Variants in ZNF675 observed in about 807,000 individuals in gnomAD.
ZNF675 encodes the protein zinc finger protein 675.
A neutral mutation model predicts 56.1 loss-of-function variants in ZNF675; 36 were observed. The observed-to-expected ratio is 0.64, with a 90% confidence interval of 0.49 to 0.85. The LOEUF (loss-of-function observed/expected upper bound fraction) is 0.85, where lower values mean the gene tolerates loss of function less well. ZNF675 is among the 40% of genes least tolerant of loss of function. The pLI is 0.00. For missense variants in ZNF675, 663 were observed against 654.2 expected (o/e 1.01, Z -0.15); for synonymous variants, 200 against 218.9 (o/e 0.91, Z 0.76).
At position 23,654,165 on chromosome 19, in the gene ZNF675, G is replaced by A. The variant is rs775541765; in HGVS notation, c.768C>T (p.Tyr256=). ...AGGCTTTGCCACATTCTTCACATTT[G>A]TATGGTTTCTCTCGAGCATAATCTT... is the stretch of plus-strand genomic sequence containing the variant. ...YKKDYAREKP[Y]KCEECGKAFN... Residue 256 remains tyrosine, a synonymous_variant, in exon 4 of 4, where the codon TAC becomes TAT. Transcript: ENST00000359788. 9 of 1,614,032 alleles carry A rather than the reference G, an allele frequency of 5.6e-6. No homozygotes were observed. Among genetic ancestry groups the A allele is most frequent in the Admixed American group, 1.7e-5 (1 of 60,010 alleles).
chr19:23,686,043 T>C (rs1968438387), intron 1 of ZNF675: 1 of 152,164 alleles, frequency 6.6e-6, no homozygotes, highest in Non-Finnish European at 1.5e-5. Flanking sequence ...GAAACAAAAA[T>C]TTAGGCTTAA....
In ZNF675 at chr19:23,680,626, C is replaced by T. The variant is rs1369096268; in HGVS notation, c.3+6405G>A. Among the ~76,000 whole-genome samples the T allele has an allele frequency of 2.6e-5, 4 of 151,140 alleles. 1 individual carries two copies. Among genetic ancestry groups the T allele is most frequent in the Non-Finnish European group, 4.4e-5 (3 of 67,938 alleles). ...ACAAAAATTAGCCAGGTGTGGTGGG[C>T]GCCTGTAACCCTAGCTACTTGGGAG... is the stretch of plus-strand genomic sequence containing the variant. On this transcript the variant is annotated intron_variant, in intron 1 of 3. Coordinates refer to ENST00000359788, the MANE Select transcript of ZNF675 (RefSeq NM_138330.3).
chr19:23,654,929 CATA>C (rs991867740), intron 3 of ZNF675: 3 of 389,600 alleles, frequency 7.7e-6, no homozygotes, highest in African/African-American at 6.2e-5. Flanking sequence ...CCCAATATAA[CATA>C]ATGTTTTCAG....
intron 1 of ZNF675, among the ~76,000 whole-genome samples, chr19:23,682,441 A>C (rs1228277794): frequency 6.6e-6 from 1 of 151,810 alleles, no homozygotes; most frequent in Non-Finnish European, 1.5e-5. Flanking sequence ...AATTTTACAA[A>C]ATTTAGAAAC....
chr19:23,659,723 G>A (rs1968050641), intron 3 of ZNF675, among the ~76,000 whole-genome samples: 1 of 152,154 alleles, frequency 6.6e-6, no homozygotes, highest in Admixed American at 6.5e-5. Flanking sequence ...GTCCCACTAA[G>A]AATTCTGAAC....
chr19:23,653,470 G>C lies in ZNF675; in HGVS notation c.1463C>G (p.Ala488Gly). 6.2e-7 allele frequency: 1 copy of C among 1,613,246 alleles called. No individual in the cohort carries two copies. The highest frequency in any genetic ancestry group is 1.1e-5 in the South Asian group (1 of 91,072). ...AGTAAGGGATGAGGAGTGTTTAAAAGCTTTGCCACATTCTTCACACTTGTA... is the reference window on the plus strand; with the variant it reads ...AGTAAGGGATGAGGAGTGTTTAAAACCTTTGCCACATTCTTCACACTTGTA... ...IPYKCEECGK[A>G]FKHSSSLTTH... Residue 488 changes from alanine to glycine, a missense_variant, in exon 4 of 4, where the codon GCT (alanine) becomes GGT (glycine). Transcript: ENST00000359788.
intron 3 of ZNF675, among the ~76,000 whole-genome samples, chr19:23,658,863 A>C (rs371241477): frequency 1.7e-3 from 6 of 3,566 alleles, no homozygotes; most frequent in East Asian, 7.1e-3. Context: ...AGATATAGAA[A>C]TAGATCTATA....
intron 3 of ZNF675, among the ~76,000 whole-genome samples, chr19:23,660,076 T>C (rs1238607988): frequency 1.3e-5 from 2 of 152,072 alleles, no homozygotes; most frequent in African/African-American, 2.4e-5. Flanking sequence ...CAGAGCAAAA[T>C]CCTCTGCCAA....
rs990658217 is a variant in ZNF675 at position 23,676,181 on chromosome 19, T to C, written c.3+10850A>G. Among the ~76,000 whole-genome samples, 8 of 151,442 alleles carry C rather than the reference T, an allele frequency of 5.3e-5. No homozygotes were observed. The South Asian group carries it at 1.7e-3, about 31-fold the overall frequency. ...GAAATTGAACCCCTGAATAAACCAA[T>C]AAAAAGCTCCAAAATCAAATTAATA... On this transcript the variant is annotated intron_variant, in intron 1 of 3. Transcript: ENST00000359788.
chr19:23,676,382 G>T (rs1968294740), intron 1 of ZNF675, among the ~76,000 whole-genome samples: 1 of 70,418 alleles, frequency 1.4e-5, no homozygotes, highest in African/African-American at 5.2e-5. Flanking sequence ...CCAAAACCTG[G>T]CAAAGACAAA....
At chr19:23,656,003 G>T (rs1967978199) in intron 3 of ZNF675, 1 of 150,620 alleles carries the variant, frequency 6.6e-6, no homozygotes, top group South Asian at 2.1e-4. Context: ...GGGAGACTGA[G>T]GTAAAAGGAT....
Position 23,687,175 on chromosome 19 carries a change from G to A in ZNF675, c.-142C>T, listed in dbSNP as rs557889286. On this transcript the variant is annotated 5_prime_UTR_variant, in exon 1 of 4. Transcript: ENST00000359788. ...ACCTGGAGCTCCGGCTGCAGCGAGA[G>A]ACAAAGGCGCCGCCAAATCCCGGAA... 9.7e-7 allele frequency: 1 copy of A among 1,033,128 alleles called. No homozygotes were observed. Among genetic ancestry groups the A allele is most frequent in the African/African-American group, 1.6e-5 (1 of 62,102 alleles). 64.0% of individuals were successfully genotyped at this position (1,033,128 alleles called of 1,614,324 possible). A position where few individuals can be genotyped will look rare whatever the true frequency, so the allele number is the denominator to read the frequency against.
intron 1 of ZNF675, among the ~76,000 whole-genome samples, chr19:23,677,201 G>A (rs1025572053): frequency 2.6e-5 from 4 of 151,478 alleles, no homozygotes; most frequent in South Asian, 2.1e-4. Flanking sequence ...CAGGCAAGCC[G>A]AAACAATAAA....
intron 1 of ZNF675, among the ~76,000 whole-genome samples, chr19:23,678,907 C>A (rs2144796140): frequency 6.6e-6 from 1 of 151,618 alleles, no homozygotes; most frequent in South Asian, 2.1e-4. Context: ...TGGCTCATGC[C>A]TGTAATCCCA....
intron 3 of ZNF675, among the ~76,000 whole-genome samples, chr19:23,659,102 A>G (rs1423417255): frequency 6.6e-6 from 1 of 151,802 alleles, no homozygotes; most frequent in Admixed American, 6.6e-5. Context: ...TATTATTTAG[A>G]TACAGGCTGG....
chr19:23,664,120 A>T (rs1968118623), intron 1 of ZNF675, among the ~76,000 whole-genome samples: 1 of 152,206 alleles, frequency 6.6e-6, no homozygotes, highest in Non-Finnish European at 1.5e-5. Flanking sequence ...CAAGTAGAGA[A>T]GTCAAAGTTT....
rs374648370 is a variant in ZNF675 at position 23,653,945 on chromosome 19, G to C, written c.988C>G (p.His330Asp). ...AFTQSSTLTT[H>D]KRIHTGEKPY... ...TTTTCTCCAGTATGAATTCTCTTAT[G>C]TGTAGTAAGGGTTGAGGATTGGGTA... The change falls in exon 4 of 4, where the codon CAT becomes GAT. Residue 330 changes from histidine (H) to aspartate (D), a missense_variant. By Grantham distance (81) the His-to-Asp change is moderately conservative. Around this residue, in one of 3 missense-constraint regions of ZNF675, gnomAD observed 617 missense variants for 590.5 expected, o/e 1.04. Transcript: ENST00000359788. 6.2e-7 allele frequency: 1 copy of C among 1,613,346 alleles called. No homozygotes were observed. Among genetic ancestry groups the C allele is most frequent in the Non-Finnish European group, 8.5e-7 (1 of 1,179,556 alleles).
chr19:23,657,999 T>C (rs745618352), intron 3 of ZNF675, among the ~76,000 whole-genome samples: 49 of 152,258 alleles, frequency 3.2e-4, no homozygotes, highest in Non-Finnish European at 5.4e-4. Context: ...TAATATGGAA[T>C]GGCAAAACCA....
Position 23,654,643 on chromosome 19 carries a change from T to C in ZNF675, c.290A>G (p.Lys97Arg), listed in dbSNP as rs772470260. The change falls in exon 4 of 4, where the codon AAA becomes AGA. Residue 97 changes from lysine (K) to arginine (R), a missense_variant. By Grantham distance (26) the Lys-to-Arg change is conservative. Transcript: ENST00000359788. ...PEQNIKDSFEKVTLRRYEKCG... is the reference protein window; with the variant it reads ...PEQNIKDSFERVTLRRYEKCG... ...TTTTTCATATCTTCTCAGTGTCACT[T>C]TTTCAAAAGAATCTTTTATGTTCTG... 1.0e-5 allele frequency: 16 copies of C among 1,598,310 alleles called. No individual in the cohort carries two copies. Among genetic ancestry groups the C allele is most frequent in the Non-Finnish European group, 1.4e-5 (16 of 1,174,434 alleles).
Sources: allele counts gnomAD v4.1 joint callset (sites outside exome capture counted in the v4.1 genomes callset), GRCh38; gene constraint gnomAD v4.1.1; regional missense constraint gnomAD v4.1.1; transcripts MANE v1.5; gene names NCBI Gene and HGNC (gene_info 2026-07-23, HGNC 2026-07-21).